ERICH6: variants seen among roughly 807,000 people sequenced by gnomAD.
ERICH6 encodes the protein glutamate rich 6, also known as glutamate-rich protein 6.
A neutral mutation model predicts 71.0 loss-of-function variants in ERICH6; 71 were observed. The observed-to-expected ratio is 1.00, with a 90% CI of 0.83 to 1.22. The LOEUF is 1.22. Ranked by LOEUF, ERICH6 falls within the 50% of genes most tolerant of loss-of-function variation. ERICH6 has a pLI of 0.00. For synonymous variants in ERICH6, 262 were observed against 278.4 expected (o/e 0.94, Z 0.59); for missense variants, 808 against 797.2 (o/e 1.01, Z -0.16).
chr3:150,700,344 T>A (rs1176464546), intron 2 of ERICH6, among the ~76,000 whole-genome samples: 2 of 151,350 alleles, frequency 1.3e-5, no homozygotes, highest in African/African-American at 4.9e-5. Context: ...TTATTTATTT[T>A]TTTATTAACA....
At position 150,699,735 on chromosome 3, in the gene ERICH6, A is replaced by AAC. The variant is rs1553755358; in HGVS notation, c.462-854_462-853insGT. Among the ~76,000 whole-genome samples the AAC allele has an allele frequency of 8.3e-4, 125 of 149,922 alleles. 1 individual carries two copies. The highest frequency in any genetic ancestry group is 6.9e-3 in the Middle Eastern group (2 of 290). On this transcript the variant is annotated intron_variant, in intron 2 of 13. Transcript: ENST00000295910. ...AAAGAGATAAAAACAAAAAAAAAAA[A>AAC]CACAAAAAACAAACCAAATAATTTT...
At chr3:150,696,008 A>G (rs1712643603) in intron 3 of ERICH6, among the ~76,000 whole-genome samples, 1 of 152,004 alleles carries the variant, frequency 6.6e-6, no homozygotes, top group Non-Finnish European at 1.5e-5. Flanking sequence ...GAAAAAGAAT[A>G]AGGAGGGGAG....
intron 3 of ERICH6, among the ~76,000 whole-genome samples, chr3:150,689,759 G>A (rs1178076022): frequency 1.3e-5 from 2 of 152,058 alleles, no homozygotes; most frequent in South Asian, 2.1e-4. Flanking sequence ...TCTGCTGCAT[G>A]AGGAGCCTAA....
intron 3 of ERICH6, among the ~76,000 whole-genome samples, chr3:150,697,938 A>G (rs1370296511): frequency 6.6e-6 from 1 of 152,124 alleles, no homozygotes; most frequent in Non-Finnish European, 1.5e-5. Context: ...TTCTAGAAGG[A>G]GGCACTTGCT....
At chr3:150,702,571 C>G (rs1286921119) in intron 1 of ERICH6, among the ~76,000 whole-genome samples, 1 of 152,134 alleles carries the variant, frequency 6.6e-6, no homozygotes, top group Non-Finnish European at 1.5e-5. Context: ...CCACCGCGCC[C>G]GGCCTGGAGA....
At chr3:150,668,081 T>A (rs1727485342) in intron 12 of ERICH6, among the ~76,000 whole-genome samples, 1 of 152,144 alleles carries the variant, frequency 6.6e-6, no homozygotes, top group Non-Finnish European at 1.5e-5. Flanking sequence ...AATGAGAAAC[T>A]GAGGTGATTA....
intron 3 of ERICH6, among the ~76,000 whole-genome samples, chr3:150,694,966 A>G (rs1712599885): frequency 6.6e-6 from 1 of 152,176 alleles, no homozygotes; most frequent in Non-Finnish European, 1.5e-5. Flanking sequence ...GGTGCCTTCT[A>G]GCTGTGTCCT....
At chr3:150,697,345 C>G (rs1712692878) in intron 3 of ERICH6, among the ~76,000 whole-genome samples, 1 of 152,148 alleles carries the variant, frequency 6.6e-6, no homozygotes, top group Non-Finnish European at 1.5e-5. Context: ...AAAAATAAGA[C>G]TGTTGATGTT....
intron 3 of ERICH6, among the ~76,000 whole-genome samples, chr3:150,692,993 A>G (rs1712511533): frequency 6.6e-6 from 1 of 152,162 alleles, no homozygotes; most frequent in Admixed American, 6.5e-5. Flanking sequence ...GACTAAACTA[A>G]TAGAAGTCTG....
chr3:150,666,703 T>C, intron 13 of ERICH6, 84 bp downstream of exon 13: 1 of 1,179,742 alleles, frequency 8.5e-7, no homozygotes, highest in East Asian at 2.5e-5. Flanking sequence ...ACTAGTGTAA[T>C]CTATCAGTAA....
At chr3:150,676,790 C>T (rs909537804) in intron 10 of ERICH6, among the ~76,000 whole-genome samples, 1 of 151,640 alleles carries the variant, frequency 6.6e-6, no homozygotes, top group African/African-American at 2.4e-5. Context: ...GCATGTGCTG[C>T]CATGCCCAGC....
At chr3:150,673,191 CCTCT>C (rs1464516816) in intron 11 of ERICH6, among the ~76,000 whole-genome samples, 1 of 149,616 alleles carries the variant, frequency 6.7e-6, no homozygotes, top group Non-Finnish European at 1.5e-5. Flanking sequence ...TCCTCTCTTT[CCTCT>C]CTCTTTCTTT....
At chr3:150,696,474 C>A (rs2108076616) in intron 3 of ERICH6, among the ~76,000 whole-genome samples, 1 of 152,058 alleles carries the variant, frequency 6.6e-6, no homozygotes, top group East Asian at 1.9e-4. Flanking sequence ...ACAAAAATGA[C>A]CACAAGCAAA....
At chr3:150,664,198 A>C (rs1286908119) in intron 13 of ERICH6, among the ~76,000 whole-genome samples, 8 of 152,302 alleles carry the variant, frequency 5.3e-5, no homozygotes, top group Non-Finnish European at 1.2e-4. Flanking sequence ...AAGTCATTAA[A>C]TTTCATATAA....
rs79104645 is a variant in ERICH6 at position 150,667,014 on chromosome 3, C to T, written c.1501G>A (p.Val501Ile). 1 of 1,611,316 alleles carries T rather than the reference C, an allele frequency of 6.2e-7. No homozygotes were observed. Among genetic ancestry groups the T allele is most frequent in the Middle Eastern group, 1.7e-4 (1 of 6,048 alleles). ...SCYHPNGNVW[V>I]YINILGGQYS... is the part of the protein sequence containing the mutation. The stretch of plus-strand genomic sequence containing the variant: ...TGACCTCCCAAGATATTGATGTATA[C>T]CCTGGTCAGGAAGGAAATGTAAATA... Residue 501 changes from valine to isoleucine, a missense_variant and splice_region_variant, in exon 13 of 14, where the codon GTA becomes ATA. This residue lies in a region of ERICH6 where 736 missense variants were observed against 712.2 expected (regional missense o/e 1.03). Coordinates refer to ENST00000295910, the MANE Select transcript of ERICH6 (RefSeq NM_152394.5).
In ERICH6 at chr3:150,703,658, C is replaced by A. The variant is rs779012854; in HGVS notation, c.241G>T (p.Val81Phe). Reference protein sequence around the residue: ...ETFSEEYLWKVTDIGDYDDDF... With the variant: ...ETFSEEYLWKFTDIGDYDDDF... ...TCGTCGTAGTCACCGATGTCCGTGA[C>A]CTTCCAGAGGTACTCTTCGCTGAAC... Residue 81 changes from valine (V) to phenylalanine (F), a missense_variant, in exon 1 of 14, where the codon GTC (valine) becomes TTC (phenylalanine). Physicochemically the swap from Val to Phe is conservative, Grantham distance 50 (BLOSUM62 -1). This residue lies in a region of ERICH6 where 736 missense variants were observed against 712.2 expected (regional missense o/e 1.03). Coordinates refer to ENST00000295910, the MANE Select transcript of ERICH6 (RefSeq NM_152394.5). 52 of 1,613,776 alleles carry A rather than the reference C, an allele frequency of 3.2e-5. No homozygotes were observed. In the Admixed American group the frequency reaches 8.7e-4, roughly 27 times the overall value.
Position 150,686,024 on chromosome 3 carries a change from G to A in ERICH6, c.611-3C>T. On this transcript the variant is annotated splice_polypyrimidine_tract_variant and splice_region_variant and intron_variant, in intron 4 of 13. Transcript: ENST00000295910. ...TTCTGGATTAATTACCCATTTTTCT[G>A]GAGAGAAAGAATAGATTCATAAGAA... 1 of 1,597,088 alleles carries A rather than the reference G, an allele frequency of 6.3e-7. No individual in the cohort carries two copies. Among genetic ancestry groups the A allele is most frequent in the Non-Finnish European group, 8.6e-7 (1 of 1,164,762 alleles).
intron 10 of ERICH6, among the ~76,000 whole-genome samples, chr3:150,674,744 C>A (rs994716436): frequency 2.6e-5 from 4 of 151,864 alleles, no homozygotes; most frequent in African/African-American, 9.7e-5. Context: ...TATCCATGAA[C>A]ATTAGGTCAA....
At chr3:150,677,482 TATA>T (rs1043818607) in intron 10 of ERICH6, among the ~76,000 whole-genome samples, 61 of 151,890 alleles carry the variant, frequency 4.0e-4, no homozygotes, top group African/African-American at 1.3e-3. Flanking sequence ...ATGTAAACTA[TATA>T]ATATCATGAA....
Sources: allele counts gnomAD v4.1 joint callset (sites outside exome capture counted in the v4.1 genomes callset), GRCh38; gene constraint gnomAD v4.1.1; regional missense constraint gnomAD v4.1.1; transcripts MANE v1.5; gene names NCBI Gene and HGNC (gene_info 2026-07-23, HGNC 2026-07-21).